Variants in PCDHGA8 observed in about 807,000 individuals in gnomAD.
PCDHGA8 encodes the protein protocadherin gamma-A8.
In PCDHGA8, 45 loss-of-function variants were observed where a neutral mutation model predicts 59.2. The ratio of observed to expected loss-of-function variants is 0.76; its 90% CI spans 0.60 to 0.98. The LOEUF is 0.98. PCDHGA8 is among the 50% of genes least tolerant of loss of function. The pLI, the probability that PCDHGA8 is intolerant of heterozygous loss-of-function variation, is 0.00. For missense variants in PCDHGA8, 1,257 were observed against 1,196.2 expected (o/e 1.05, Z -0.75); for synonymous variants, 531 against 519.0 (o/e 1.02, Z -0.32).
At position 141,485,229 on chromosome 5, in the gene PCDHGA8, TC is replaced by T; in HGVS notation, c.2425-9576del. On this transcript the variant is annotated intron_variant, in intron 1 of 3. Transcript: ENST00000398604. The surrounding 1 kb of genome is among the most constrained non-coding windows in gnomAD (Gnocchi z 5.7). ...ATCTGGCGGTGGGCTACCCTTTTGT[TC>T]CTCTTTTACCACCTGGGTTACGTTT... 6.2e-7 allele frequency: 1 copy of T among 1,614,160 alleles called. No homozygotes were observed. The highest frequency in any genetic ancestry group is 8.5e-7 in the Non-Finnish European group (1 of 1,180,022).
At chr5:141,423,248 C>A in intron 1 of PCDHGA8, 1 of 1,613,888 alleles carries the variant, frequency 6.2e-7, no homozygotes, top group Non-Finnish European at 8.5e-7. Context: ...GAAGTCCTGG[C>A]GGACCTCGGC....
chr5:141,413,517 G>A (rs1561743187), intron 1 of PCDHGA8: 1 of 1,613,946 alleles, frequency 6.2e-7, no homozygotes. Flanking sequence ...ATATCCTTGT[G>A]GAAGACAGGG....
Position 141,393,306 on chromosome 5 carries a change from A to G in PCDHGA8, c.493A>G (p.Asn165Asp), listed in dbSNP as rs2092724552. The change falls in exon 1 of 4, where the codon AAC becomes GAC. Residue 165 changes from asparagine to aspartate, a missense_variant. Asn to Asp is a conservative substitution (Grantham distance 23). Coordinates refer to ENST00000398604, the MANE Select transcript of PCDHGA8 (RefSeq NM_032088.2). ...AGCTGTTGACCCGGATGTGGGCGTG[A>G]ACTCCCTCCAGAGCTACCAGCTCAG... Reference protein sequence around the residue: ...PEAVDPDVGVNSLQSYQLSPN... With the variant: ...PEAVDPDVGVDSLQSYQLSPN... 1.2e-6 allele frequency: 2 copies of G among 1,613,734 alleles called. No homozygotes were observed. The highest frequency in any genetic ancestry group is 2.7e-5 in the African/African-American group (2 of 74,914).
intron 1 of PCDHGA8, among the ~76,000 whole-genome samples, chr5:141,492,762 T>C (rs917580804): frequency 2.6e-5 from 4 of 152,206 alleles, no homozygotes; most frequent in African/African-American, 9.6e-5. Flanking sequence ...GGGCTCCGCG[T>C]TGGGCGAGTG....
intron 1 of PCDHGA8, among the ~76,000 whole-genome samples, chr5:141,435,652 G>C (rs978809372): frequency 6.6e-6 from 1 of 152,108 alleles, no homozygotes; most frequent in Non-Finnish European, 1.5e-5. Context: ...TTTCTGAAAC[G>C]TGCACAGATT....
intron 1 of PCDHGA8, among the ~76,000 whole-genome samples, chr5:141,436,469 G>A (rs376024456): frequency 6.6e-6 from 1 of 152,304 alleles, no homozygotes; most frequent in East Asian, 1.9e-4. Flanking sequence ...ATTTTCAGAT[G>A]TATCATAGAA....
chr5:141,498,306 A>C (rs2099783027), intron 2 of PCDHGA8, among the ~76,000 whole-genome samples: 1 of 151,810 alleles, frequency 6.6e-6, no homozygotes, highest in African/African-American at 2.4e-5. Flanking sequence ...TCTGGGTCAC[A>C]CTGCCTACAC....
At position 141,476,124 on chromosome 5, in the gene PCDHGA8, C is replaced by T. The variant is rs1187643558; in HGVS notation, c.2425-18683C>T. 4 of 1,603,236 alleles carry T rather than the reference C, an allele frequency of 2.5e-6. No homozygotes were observed. Among genetic ancestry groups the T allele is most frequent in the Non-Finnish European group, 3.4e-6 (4 of 1,176,388 alleles). ...GAACTGCTTTTGAGTGAGATGGTCCCAGAGGCCTGGAGGAGCGGACTGGTA... is the reference window on the plus strand; with the variant it reads ...GAACTGCTTTTGAGTGAGATGGTCCTAGAGGCCTGGAGGAGCGGACTGGTA... On this transcript the variant is annotated intron_variant, in intron 1 of 3. Transcript: ENST00000398604. This position sits in a 1 kb window ranked among gnomAD's most constrained non-coding sequence, Gnocchi z 7.6.
intron 1 of PCDHGA8, among the ~76,000 whole-genome samples, chr5:141,465,279 C>T (rs975247599): frequency 3.3e-5 from 5 of 152,028 alleles, no homozygotes; most frequent in South Asian, 2.1e-4. Flanking sequence ...TTTAGTTCAC[C>T]CCTAAAGAAC....
At chr5:141,399,309 C>G (rs2093783867) in intron 1 of PCDHGA8, 1 of 1,613,902 alleles carries the variant, frequency 6.2e-7, no homozygotes, top group Non-Finnish European at 8.5e-7. Context: ...TCTCTTCATC[C>G]AAAAATTCGT....
At chr5:141,434,392 CA>C (rs1377925864) in intron 1 of PCDHGA8, among the ~76,000 whole-genome samples, 2 of 152,210 alleles carry the variant, frequency 1.3e-5, no homozygotes, top group Non-Finnish European at 2.9e-5. Context: ...TGGCCATAAA[CA>C]AAATCTCTGC....
At chr5:141,475,840 A>T in intron 1 of PCDHGA8, 1 of 434,888 alleles carries the variant, frequency 2.3e-6, no homozygotes, top group Non-Finnish European at 4.1e-6. Flanking sequence ...TGTCCTGCTC[A>T]GAGAGCCCGG....
rs530054362 is a variant in PCDHGA8 at position 141,486,066 on chromosome 5, C to G, written c.2425-8741C>G. ...AGAAACCTCTTTAGCCTGCACCCCACTACTGGAAAGCTTACTCTTTTGGGG... is the reference window on the plus strand; with the variant it reads ...AGAAACCTCTTTAGCCTGCACCCCAGTACTGGAAAGCTTACTCTTTTGGGG... On this transcript the variant is annotated intron_variant, in intron 1 of 3. Coordinates refer to ENST00000398604, the MANE Select transcript of PCDHGA8 (RefSeq NM_032088.2). This position sits in a 1 kb window ranked among gnomAD's most constrained non-coding sequence, Gnocchi z 5.0. The G allele has an allele frequency of 3.1e-6, 5 of 1,614,166 alleles. No homozygotes were observed. In the African/African-American group the frequency reaches 5.3e-5, roughly 17 times the overall value.
intron 1 of PCDHGA8, among the ~76,000 whole-genome samples, chr5:141,482,530 CAA>C (rs3074545): frequency 2.5e-4 from 19 of 76,528 alleles, no homozygotes; most frequent in East Asian, 4.2e-4. Context: ...GACAGACATG[CAA>C]AAAAAAAAAA....
rs775898365 is a variant in PCDHGA8 at position 141,476,425 on chromosome 5, T to C, written c.2425-18382T>C. On this transcript the variant is annotated intron_variant, in intron 1 of 3. Transcript: ENST00000398604. This position sits in a 1 kb window ranked among gnomAD's most constrained non-coding sequence, Gnocchi z 7.6. ...AGGAGCTGTGTGGGACACTGCCCTC[T>C]TGCACTGTAACTCTGGAGTTGGTAG... is the stretch of plus-strand genomic sequence containing the variant. The C allele has an allele frequency of 1.2e-6, 2 of 1,614,108 alleles. No homozygotes were observed. Among genetic ancestry groups the C allele is most frequent in the East Asian group, 4.5e-5 (2 of 44,848 alleles).
chr5:141,491,980 C>T lies in PCDHGA8; in HGVS notation c.2425-2827C>T. ...AAAAAAGGCCGGGGCCTCCTTCGAG[C>T]TTCCGGTGAATTTCGGGCGATTTCC... On this transcript the variant is annotated intron_variant, in intron 1 of 3. Transcript: ENST00000398604. The surrounding 1 kb of genome is among the most constrained non-coding windows in gnomAD (Gnocchi z 6.9). The T allele has an allele frequency of 2.5e-6, 2 of 784,432 alleles. No individual in the cohort carries two copies. The highest frequency in any genetic ancestry group is 3.8e-6 in the Non-Finnish European group (2 of 530,588). 48.6% of individuals were successfully genotyped at this position (784,432 alleles called of 1,614,324 possible). A position where few individuals can be genotyped will look rare whatever the true frequency, so the allele number is the denominator to read the frequency against.
intron 1 of PCDHGA8, among the ~76,000 whole-genome samples, chr5:141,465,486 G>C (rs1221398075): frequency 6.6e-6 from 1 of 152,216 alleles, no homozygotes; most frequent in African/African-American, 2.4e-5. Flanking sequence ...TGAGAGGAAT[G>C]AGCGGGAGCA....
intron 1 of PCDHGA8, chr5:141,413,382 CAT>C (rs752944261): frequency 2.5e-6 from 4 of 1,613,998 alleles, no homozygotes; most frequent in Non-Finnish European, 3.4e-6. Flanking sequence ...GCGGAGTCCG[CAT>C]AGTCTCCAGA....
intron 1 of PCDHGA8, chr5:141,405,646 T>G: frequency 1.9e-6 from 1 of 526,208 alleles, no homozygotes; most frequent in East Asian, 3.2e-5. Flanking sequence ...GGCTAATTTT[T>G]TGTGTGTTTT....
Sources: allele counts gnomAD v4.1 joint callset (sites outside exome capture counted in the v4.1 genomes callset), GRCh38; gene constraint gnomAD v4.1.1; non-coding constraint Gnocchi (gnomAD v3.1); transcripts MANE v1.5; gene names NCBI Gene and HGNC (gene_info 2026-07-23, HGNC 2026-07-21).